The following ERCC5 variants were observed in gnomAD, a reference collection of about 807,000 sequenced individuals.
The protein encoded by ERCC5 is ERCC excision repair 5, endonuclease, also known as DNA excision repair protein ERCC-5.
Under a neutral mutation model 105.6 loss-of-function variants are expected in ERCC5, and 68 were observed. The observed-to-expected ratio is 0.64, with a 90% confidence interval of 0.53 to 0.79. The LOEUF is 0.79. Among genes scored for constraint, ERCC5 ranks in the 30% least tolerant of loss-of-function variants. The pLI is 0.00. For missense variants in ERCC5, 1,373 were observed against 1,426.7 expected, an observed-to-expected ratio of 0.96 and a Z score of 0.61; for synonymous variants, 546 against 526.2, an observed-to-expected ratio of 1.04 and a Z score of -0.51.
intron 5 of ERCC5, among the ~76,000 whole-genome samples, chr13:102,856,625 G>A (rs1034165009): frequency 1.3e-5 from 2 of 152,208 alleles, no homozygotes; most frequent in Non-Finnish European, 2.9e-5. Flanking sequence ...ATCGTCATCT[G>A]TCTGGGTTCC....
Position 102,866,646 on chromosome 13 carries a change from G to A in ERCC5, c.2334G>A (p.Leu778=), listed in dbSNP as rs1882851690. 4 of 1,613,528 alleles carry A rather than the reference G, an allele frequency of 2.5e-6. No homozygotes were observed. In the East Asian group the frequency reaches 8.9e-5, roughly 36 times the overall value. ...MFLESQELLR[L]FGIPYIQAPM... ...TCACTCTGCAGGAACTCCTGCGCCT[G>A]TTCGGCATTCCCTACATCCAGGCTC... Residue 778 remains leucine (L), a synonymous_variant, in exon 11 of 15, where the codon CTG becomes CTA. Transcript: ENST00000652225.
chr13:102,846,746 ATTTATTTATTTTT>A (rs1451635413), intron 1 of ERCC5, among the ~76,000 whole-genome samples: 2 of 144,820 alleles, frequency 1.4e-5, no homozygotes, highest in African/African-American at 5.8e-5. Context: ...GGTATGTTTT[ATTTATTTATTTTT>A]TTCCATCGCA....
In ERCC5 at chr13:102,862,571, A is replaced by G. The variant is rs1489228624; in HGVS notation, c.1422A>G (p.Glu474=). ...GREPTDSVPK[E]QMSLVHVGTE... ...AGCCCACAGACTCAGTTCCAAAAGAACAAATGTCACTTGTTCACGTGGGGA... is the reference window on the plus strand; with the variant it reads ...AGCCCACAGACTCAGTTCCAAAAGAGCAAATGTCACTTGTTCACGTGGGGA... Residue 474 remains glutamate, a synonymous_variant, in exon 8 of 15, where the codon GAA becomes GAG. Coordinates refer to ENST00000652225, the MANE Select transcript of ERCC5 (RefSeq NM_000123.4). The G allele has an allele frequency of 1.2e-6, 2 of 1,614,200 alleles. No homozygotes were observed. Among genetic ancestry groups the G allele is most frequent in the Non-Finnish European group, 8.5e-7 (1 of 1,180,036 alleles).
At chr13:102,850,824 G>GT (rs1882173654) in intron 1 of ERCC5, among the ~76,000 whole-genome samples, 2 of 152,144 alleles carry the variant, frequency 1.3e-5, no homozygotes, top group Admixed American at 6.5e-5. Flanking sequence ...GAGTCAGGGC[G>GT]TGGTGTATGT....
At chr13:102,875,253 A>G in intron 14 of ERCC5, 54 bp from the exon 15 acceptor site, 1 of 1,582,018 alleles carries the variant, frequency 6.3e-7, no homozygotes, top group Non-Finnish European at 8.6e-7. Context: ...TTTGGTTTAG[A>G]AACTTGACTT....
At chr13:102,861,890 A>G (rs1416211595) in intron 7 of ERCC5, 140 bp from the exon 8 acceptor site, 2 of 1,369,490 alleles carry the variant, frequency 1.5e-6, no homozygotes, top group East Asian at 2.3e-5. Flanking sequence ...AAATTAGCTA[A>G]TGAATTAACT....
At position 102,856,220 on chromosome 13, in the gene ERCC5, G is replaced by A. The variant is rs775255079; in HGVS notation, c.528+108G>A. On this transcript the variant is annotated intron_variant, in intron 5 of 14. Coordinates refer to ENST00000652225, the MANE Select transcript of ERCC5 (RefSeq NM_000123.4). ...AAACTGTGAAAGTTCCTGATAAAAA[G>A]TAAAGACAGATGGCTTTTTGGTTGT... 5 of 1,202,460 alleles carry A rather than the reference G, an allele frequency of 4.2e-6. No homozygotes were observed. In the African/African-American group the frequency reaches 6.0e-5, roughly 15 times the overall value. The allele number at this position is 1,202,460 out of a possible 1,614,324, so 74.5% of individuals were successfully genotyped here.
chr13:102,849,496 T>C (rs1419529452), intron 1 of ERCC5: 2 of 508,072 alleles, frequency 3.9e-6, no homozygotes, highest in East Asian at 5.5e-5. Flanking sequence ...CTAAATATTA[T>C]AGAAATAAGC....
intron 1 of ERCC5, chr13:102,849,066 A>G (rs1193800512): frequency 1.3e-4 from 64 of 490,644 alleles, no homozygotes; most frequent in South Asian, 9.4e-4. Context: ...GTAGTGGGCC[A>G]AGTAGAAACT....
Position 102,866,744 on chromosome 13 carries a change from G to A in ERCC5, c.2432G>A (p.Ser811Asn), listed in dbSNP as rs2140532640. The A allele has an allele frequency of 6.2e-7, 1 of 1,614,266 alleles. No individual in the cohort carries two copies. The highest frequency in any genetic ancestry group is 8.5e-7 in the Non-Finnish European group (1 of 1,180,054). The change falls in exon 11 of 15, where the codon AGT becomes AAT. Residue 811 changes from serine to asparagine, a missense_variant. Physicochemically the swap from Ser to Asn is conservative, Grantham distance 46. Around this residue, in one of 3 missense-constraint regions of ERCC5, gnomAD observed 1,004 missense variants for 1,059.7 expected, o/e 0.95. Transcript: ENST00000652225. ...DQTSGTITDD[S>N]DIWLFGARHV... ...ACTTCCGGAACCATCACTGATGACA[G>A]TGATATCTGGCTGTTTGGAGCGCGG...
chr13:102,846,531 G>C (rs1213184354), intron 1 of ERCC5, among the ~76,000 whole-genome samples, 177 bp downstream of exon 1: 2 of 152,056 alleles, frequency 1.3e-5, no homozygotes, highest in Non-Finnish European at 2.9e-5. Flanking sequence ...GGTATCCCCG[G>C]GGCTTTGGTT....
At chr13:102,852,517 A>G (rs1882245794) in intron 2 of ERCC5, among the ~76,000 whole-genome samples, 2 of 152,240 alleles carry the variant, frequency 1.3e-5, no homozygotes, top group South Asian at 4.1e-4. Context: ...TAACTTTTAA[A>G]TAAAACTAAC....
chr13:102,862,686 G>A lies in ERCC5; in HGVS notation c.1537G>A (p.Ala513Thr), dbSNP rs775996769. Residue 513 changes from alanine (A) to threonine (T), a missense_variant, in exon 8 of 15, where the codon GCA becomes ACA. Physicochemically the swap from Ala to Thr is moderately conservative, Grantham distance 58. Coordinates refer to ENST00000652225, the MANE Select transcript of ERCC5 (RefSeq NM_000123.4). The stretch of plus-strand genomic sequence containing the variant: ...GAGTGCAGTGGTTAGACATAGTGAC[G>A]CACCTGGGCTCCCGAATGGAAGGGA... Reference protein sequence around the residue: ...LESAVVRHSDAPGLPNGRELT... With the variant: ...LESAVVRHSDTPGLPNGRELT... 17 of 1,614,174 alleles carry A rather than the reference G, an allele frequency of 1.1e-5. No homozygotes were observed. Among genetic ancestry groups the A allele is most frequent in the Non-Finnish European group, 1.4e-5 (17 of 1,180,022 alleles).
At chr13:102,852,012 T>A in intron 1 of ERCC5, 106 bp from the exon 2 acceptor site, 1 of 1,262,936 alleles carries the variant, frequency 7.9e-7, no homozygotes, top group Middle Eastern at 1.9e-4. Context: ...TGAATAGTGA[T>A]AAGTATTTAG....
chr13:102,862,689 C>T lies in ERCC5; in HGVS notation c.1540C>T (p.Pro514Ser), dbSNP rs2140528076. 6.2e-7 allele frequency: 1 copy of T among 1,614,132 alleles called. No homozygotes were observed. The highest frequency in any genetic ancestry group is 8.5e-7 in the Non-Finnish European group (1 of 1,180,014). The change falls in exon 8 of 15, where the codon CCT becomes TCT. Residue 514 changes from proline (P) to serine (S), a missense_variant. By Grantham distance (74) the Pro-to-Ser change is moderately conservative. Transcript: ENST00000652225. ...ESAVVRHSDA[P>S]GLPNGRELTP... ...TGCAGTGGTTAGACATAGTGACGCA[C>T]CTGGGCTCCCGAATGGAAGGGAACT...
At chr13:102,854,178 G>A (rs1039126382) in intron 3 of ERCC5, 110 bp from the exon 4 acceptor site, 86 of 1,179,032 alleles carry the variant, frequency 7.3e-5, no homozygotes, top group African/African-American at 2.1e-4. Flanking sequence ...CCTTTCTCTC[G>A]GCTGCATTTA....
intron 1 of ERCC5, among the ~76,000 whole-genome samples, chr13:102,847,165 T>C (rs137962943): frequency 5.3e-5 from 8 of 152,348 alleles, no homozygotes; most frequent in Non-Finnish European, 1.2e-4. Flanking sequence ...ATTTTTTAAA[T>C]TGACTTTTTA....
In ERCC5 at chr13:102,872,309, A is replaced by G; in HGVS notation, c.2790A>G (p.Pro930=). The change falls in exon 13 of 15, where the codon CCA becomes CCG. Residue 930 remains proline, a synonymous_variant. Coordinates refer to ENST00000652225, the MANE Select transcript of ERCC5 (RefSeq NM_000123.4). ...AACTCACCCCTGGCTTTCCTAACCCAGCTGTTGCCGAGGCCTACCTCAAAC... is the reference window on the plus strand; with the variant it reads ...AACTCACCCCTGGCTTTCCTAACCCGGCTGTTGCCGAGGCCTACCTCAAAC... The part of the protein sequence containing the change: ...TLQLTPGFPN[P]AVAEAYLKPV... The G allele has an allele frequency of 6.2e-7, 1 of 1,614,192 alleles. No individual in the cohort carries two copies. The highest frequency in any genetic ancestry group is 8.5e-7 in the Non-Finnish European group (1 of 1,180,026).
chr13:102,870,443 C>T (rs773024748), intron 12 of ERCC5, among the ~76,000 whole-genome samples: 1 of 152,122 alleles, frequency 6.6e-6, no homozygotes, highest in Non-Finnish European at 1.5e-5. Context: ...TGCCTCCACT[C>T]CCCCAGCTCA....
Sources: allele counts gnomAD v4.1 joint callset (sites outside exome capture counted in the v4.1 genomes callset), GRCh38; gene constraint gnomAD v4.1.1; regional missense constraint gnomAD v4.1.1; transcripts MANE v1.5; gene names NCBI Gene and HGNC (gene_info 2026-07-23, HGNC 2026-07-21).